DHX37: variants seen among roughly 807,000 people sequenced by gnomAD.
DHX37 encodes probable ATP-dependent RNA helicase DHX37.
In DHX37, 52 loss-of-function variants were observed where a neutral mutation model predicts 134.3. That is an observed-to-expected ratio of 0.39 (90% CI 0.31 to 0.49). The LOEUF (loss-of-function observed/expected upper bound fraction) is 0.49, where lower values mean the gene tolerates loss of function less well. DHX37 is among the 20% of genes least tolerant of loss of function. The probability of loss-of-function intolerance (pLI) is 0.93; values close to 1 mark genes in which losing one functional copy is unlikely to be tolerated. For synonymous variants in DHX37, 634 were observed against 670.7 expected, an observed-to-expected ratio of 0.95 and a Z score of 0.85; for missense variants, 1,344 against 1,580.8, an observed-to-expected ratio of 0.85 and a Z score of 2.54.
intron 21 of DHX37, 107 bp downstream of exon 21, chr12:124,952,291 C>A (rs1953989758): frequency 1.7e-6 from 2 of 1,210,362 alleles, no homozygotes; most frequent in East Asian, 2.8e-5. Flanking sequence ...TCAGTGGGGA[C>A]CCACAGCTGA....
Position 124,968,950 on chromosome 12 carries a change from G to C in DHX37, c.1210C>G (p.Leu404Val), listed in dbSNP as rs1954458740. Residue 404 changes from leucine (L) to valine (V), a missense_variant, in exon 9 of 27, where the codon CTG (leucine) becomes GTG (valine). Coordinates refer to ENST00000308736, the MANE Select transcript of DHX37 (RefSeq NM_032656.4). ...LRAKRNLPLK[L>V]LIMSATLRVE... ...CGCAGCGTGGCCGACATGATGAGCAGCTTGAGTGGCAGGTTCCTCTGCAAA... is the reference window on the plus strand; with the variant it reads ...CGCAGCGTGGCCGACATGATGAGCACCTTGAGTGGCAGGTTCCTCTGCAAA... The C allele has an allele frequency of 6.2e-7, 1 of 1,613,932 alleles. No individual in the cohort carries two copies. The highest frequency in any genetic ancestry group is 1.3e-5 in the African/African-American group (1 of 74,926).
chr12:124,988,829 TG>T, intron 1 of DHX37, 87 bp downstream of exon 1: 1 of 784,526 alleles, frequency 1.3e-6, no homozygotes. Context: ...CCCACCCCTC[TG>T]GGATCCCCAC....
intron 10 of DHX37, 154 bp from the exon 11 acceptor site, chr12:124,967,372 GC>G: frequency 3.0e-6 from 1 of 330,218 alleles, no homozygotes; most frequent in Non-Finnish European, 4.3e-6. Flanking sequence ...GGGGCAGCAC[GC>G]CCAGACTGAA....
intron 26 of DHX37, 22 bp downstream of exon 26, chr12:124,948,062 C>A (rs1292465404): frequency 3.1e-6 from 5 of 1,614,234 alleles, no homozygotes; most frequent in South Asian, 1.1e-5. Flanking sequence ...TACTCCCACC[C>A]CCTGGCCCTG....
Position 124,975,429 on chromosome 12 carries a change from G to A in DHX37, c.970C>T (p.Leu324=). ...AAGTAGAGCCCTCACCGCTGGGACA[G>A]ATTCATCTCCTTGGCCACTCGCTGG... ...MSQRVAKEMN[L]SQRVVSYQIR... Residue 324 remains leucine (L), a synonymous_variant, in exon 6 of 27, where the codon CTG becomes TTG. Transcript: ENST00000308736. The A allele has an allele frequency of 6.2e-7, 1 of 1,613,008 alleles. No individual in the cohort carries two copies. The highest frequency in any genetic ancestry group is 1.7e-5 in the Admixed American group (1 of 60,020).
In DHX37 at chr12:124,965,744, C is replaced by T. The variant is rs1230591174; in HGVS notation, c.1659G>A (p.Glu553=). Residue 553 remains glutamate, a synonymous_variant, in exon 13 of 27, where the codon GAG becomes GAA. Coordinates refer to ENST00000308736, the MANE Select transcript of DHX37 (RefSeq NM_032656.4). ...CCCCCTCTTCCTCATCCACTTCTGC[C>T]TCCCTGTCCTCATCGCCTTCGCCTG... The part of the protein sequence containing the change: ...LPAGEGDEDR[E]AEVDEEEGAL... 6.2e-7 allele frequency: 1 copy of T among 1,613,894 alleles called. No individual in the cohort carries two copies. The highest frequency in any genetic ancestry group is 1.3e-5 in the African/African-American group (1 of 74,932).
At chr12:124,984,616 A>G (rs1423366668) in intron 2 of DHX37, among the ~76,000 whole-genome samples, 2 of 144,138 alleles carry the variant, frequency 1.4e-5, no homozygotes, top group Non-Finnish European at 3.0e-5. Flanking sequence ...CTACAATGGG[A>G]AAAAAAAACA....
At chr12:124,956,955 C>T (rs1479480088) in intron 17 of DHX37, 74 bp downstream of exon 17, 3 of 1,528,308 alleles carry the variant, frequency 2.0e-6, no homozygotes, top group Non-Finnish European at 2.6e-6. Context: ...ACGCTTGAGG[C>T]AGCTCAGGCC....
In DHX37 at chr12:124,960,195, G is replaced by C. The variant is rs960057520; in HGVS notation, c.2157+117C>G. 3.4e-6 allele frequency: 5 copies of C among 1,492,060 alleles called. No homozygotes were observed. The East Asian group carries it at 9.2e-5, about 27-fold the overall frequency. 92.4% of individuals were successfully genotyped at this position (1,492,060 alleles called of 1,614,324 possible). ...TGGGAGCACCTGCTGATGCACTGTT[G>C]TGTAAGCAGCTGCCGCAGGCCAGGC... On this transcript the variant is annotated intron_variant, in intron 16 of 26. Transcript: ENST00000308736.
Position 124,964,261 on chromosome 12 carries a change from C to T in DHX37, c.2045+133G>A, listed in dbSNP as rs1243078208. 2.8e-6 allele frequency: 4 copies of T among 1,426,712 alleles called. No homozygotes were observed. In the East Asian group the frequency reaches 1.0e-4, roughly 36 times the overall value. 88.4% of individuals were successfully genotyped at this position (1,426,712 alleles called of 1,614,324 possible). On this transcript the variant is annotated intron_variant, in intron 15 of 26. Coordinates refer to ENST00000308736, the MANE Select transcript of DHX37 (RefSeq NM_032656.4). ...GCCAGCAAAAGGGCTGGGGAGCACCCCAAAGTCACAGGGGCCCGGCAGGAC... is the reference window on the plus strand; with the variant it reads ...GCCAGCAAAAGGGCTGGGGAGCACCTCAAAGTCACAGGGGCCCGGCAGGAC...
At chr12:124,950,315 C>T (rs1049415083) in intron 23 of DHX37, 72 bp from the exon 24 acceptor site, 75 of 1,605,898 alleles carry the variant, frequency 4.7e-5, no homozygotes, top group East Asian at 1.3e-4. Context: ...CTGCCCCACC[C>T]GAGACACACA....
At chr12:124,987,037 G>A (rs1180542035) in intron 1 of DHX37, among the ~76,000 whole-genome samples, 4 of 152,174 alleles carry the variant, frequency 2.6e-5, no homozygotes, top group Non-Finnish European at 4.4e-5. Context: ...GTGAGCCACT[G>A]CACCCAGCCT....
At chr12:124,956,159 G>A (rs954289480) in intron 18 of DHX37, among the ~76,000 whole-genome samples, 4 of 152,238 alleles carry the variant, frequency 2.6e-5, no homozygotes, top group Admixed American at 1.3e-4. Flanking sequence ...CACAGTGGAC[G>A]AGAGATGGTG....
chr12:124,976,437 C>T (rs1230042782), intron 5 of DHX37, among the ~76,000 whole-genome samples: 1 of 152,138 alleles, frequency 6.6e-6, no homozygotes, highest in African/African-American at 2.4e-5. Flanking sequence ...GCAGGCTGGG[C>T]GGGGTGGCTC....
In DHX37 at chr12:124,980,927, G is replaced by A. The variant is rs543802596; in HGVS notation, c.390-89C>T. On this transcript the variant is annotated intron_variant, in intron 3 of 26. Coordinates refer to ENST00000308736, the MANE Select transcript of DHX37 (RefSeq NM_032656.4). The surrounding 1 kb of genome is among the most constrained non-coding windows in gnomAD (Gnocchi z 5.3). Reference sequence around the variant, plus strand: ...AAGGCCATACCCCTTTCTGCCTCAGGGACTTTGCACCTGCTGTTCCACTCC... The same window carrying A: ...AAGGCCATACCCCTTTCTGCCTCAGAGACTTTGCACCTGCTGTTCCACTCC... 10 of 1,425,530 alleles carry A rather than the reference G, an allele frequency of 7.0e-6. No homozygotes were observed. In the South Asian group the frequency reaches 7.8e-5, roughly 11 times the overall value. 88.3% of individuals were successfully genotyped at this position (1,425,530 alleles called of 1,614,324 possible).
In DHX37 at chr12:124,988,950, G is replaced by C; in HGVS notation, c.73C>G (p.Pro25Ala). The stretch of plus-strand genomic sequence containing the variant: ...TCCAGCTGCACGGGGGGCGGCTCGG[G>C]GGGGCCCTTCGAGGGTCCGGGGCCC... Reference protein sequence around the residue: ...QAGPGPSKGPPEPPPVQLELE... With the variant: ...QAGPGPSKGPAEPPPVQLELE... Residue 25 changes from proline (P) to alanine (A), a missense_variant, in exon 1 of 27, where the codon CCC becomes GCC. This residue lies in a region of DHX37 where 319 missense variants were observed against 296.1 expected (regional missense o/e 1.08). Transcript: ENST00000308736. 1 of 1,342,172 alleles carries C rather than the reference G, an allele frequency of 7.5e-7. No homozygotes were observed. Among genetic ancestry groups the C allele is most frequent in the East Asian group, 2.8e-5 (1 of 35,854 alleles). 83.1% of individuals were successfully genotyped at this position (1,342,172 alleles called of 1,614,324 possible). A position where few individuals can be genotyped will look rare whatever the true frequency, so the allele number is the denominator to read the frequency against.
intron 2 of DHX37, among the ~76,000 whole-genome samples, chr12:124,985,171 T>A (rs1954841540): frequency 6.6e-6 from 1 of 152,144 alleles, no homozygotes; most frequent in African/African-American, 2.4e-5. Context: ...CAAATTTCTA[T>A]TGTCCTAAGC....
chr12:124,949,837 C>G lies in DHX37; in HGVS notation c.3290+149G>C. ...CCTCCCCGAGAGCCGCTGCACAGAC[C>G]GTGGCTCTGCAGAGCCTTCAGACCT... On this transcript the variant is annotated intron_variant, in intron 25 of 26. Transcript: ENST00000308736. The surrounding 1 kb of genome is among the most constrained non-coding windows in gnomAD (Gnocchi z 4.0). 4.5e-6 allele frequency: 4 copies of G among 882,694 alleles called. No homozygotes were observed. The highest frequency in any genetic ancestry group is 6.9e-6 in the Non-Finnish European group (4 of 582,578). The allele number at this position is 882,694 out of a possible 1,614,324, so 54.7% of individuals were successfully genotyped here.
At chr12:124,965,551 G>A (rs897387882) in intron 13 of DHX37, 117 bp downstream of exon 13, 2 of 1,425,544 alleles carry the variant, frequency 1.4e-6, no homozygotes, top group African/African-American at 1.4e-5. Flanking sequence ...AAGAACTCAG[G>A]AAGCATCGGG....
Sources: allele counts gnomAD v4.1 joint callset (sites outside exome capture counted in the v4.1 genomes callset), GRCh38; gene constraint gnomAD v4.1.1; regional missense constraint gnomAD v4.1.1; non-coding constraint Gnocchi (gnomAD v3.1); transcripts MANE v1.5; gene names NCBI Gene and HGNC (gene_info 2026-07-23, HGNC 2026-07-21).